The following RAPGEF2 variants were observed in gnomAD, a reference collection of about 807,000 sequenced individuals.
RAPGEF2 encodes Rap guanine nucleotide exchange factor 2.
Under a neutral mutation model 186.7 loss-of-function variants are expected in RAPGEF2, and 54 were observed. The ratio of observed to expected loss-of-function variants is 0.29; its 90% CI spans 0.23 to 0.36. RAPGEF2 has a LOEUF of 0.36. Among genes scored for constraint, RAPGEF2 ranks in the 10% least tolerant of loss-of-function variants. RAPGEF2 has a pLI of 1.00. For missense variants in RAPGEF2, 1,532 were observed against 2,045.0 expected (o/e 0.75, Z 4.84); for synonymous variants, 712 against 705.9 (o/e 1.01, Z -0.14).
chr4:159,347,310 C>T (rs1730459286), intron 25 of RAPGEF2, among the ~76,000 whole-genome samples: 2 of 152,204 alleles, frequency 1.3e-5, no homozygotes, highest in African/African-American at 4.8e-5. Flanking sequence ...ATTATTTAAA[C>T]TGGTTTTGCT....
At chr4:159,329,585 A>G (rs1766388083) in intron 11 of RAPGEF2, 2 of 198,100 alleles carry the variant, frequency 1.0e-5, no homozygotes, top group Non-Finnish European at 2.0e-5. Flanking sequence ...TGAAAAAGCT[A>G]TCTTCTAATT....
intron 1 of RAPGEF2, among the ~76,000 whole-genome samples, chr4:159,158,619 G>A (rs1036374677): frequency 3.3e-5 from 5 of 152,092 alleles, no homozygotes; most frequent in Non-Finnish European, 7.3e-5. Context: ...ATTACCAGTA[G>A]CAACCCTTGG....
intron 19 of RAPGEF2, among the ~76,000 whole-genome samples, chr4:159,340,113 CAAAAT>C (rs1352966790): frequency 1.3e-5 from 2 of 152,190 alleles, no homozygotes; most frequent in South Asian, 2.1e-4. Flanking sequence ...TTGCTACACT[CAAAAT>C]TAAGTAGTTC....
intron 1 of RAPGEF2, among the ~76,000 whole-genome samples, 167 bp downstream of exon 1, chr4:159,104,398 C>T (rs1357470421): frequency 6.6e-6 from 1 of 151,380 alleles, no homozygotes; most frequent in Non-Finnish European, 1.5e-5. Flanking sequence ...TTTTACTCCG[C>T]CTATCCTGGT....
At chr4:159,201,479 C>T (rs1749405149) in intron 3 of RAPGEF2, among the ~76,000 whole-genome samples, 1 of 152,222 alleles carries the variant, frequency 6.6e-6, no homozygotes, top group Non-Finnish European at 1.5e-5. Flanking sequence ...CTGATCTCAA[C>T]TGTCTGCGGG....
chr4:159,238,950 A>G (rs1048207186), intron 5 of RAPGEF2, 66 bp downstream of exon 5: 2 of 989,140 alleles, frequency 2.0e-6, no homozygotes, highest in East Asian at 2.8e-5. Flanking sequence ...GCATTTTTAT[A>G]AACTGCTTAT....
chr4:159,279,505 A>G (rs1017758997), intron 7 of RAPGEF2, among the ~76,000 whole-genome samples: 2 of 152,184 alleles, frequency 1.3e-5, no homozygotes, highest in Admixed American at 1.3e-4. Flanking sequence ...CATAAGTGCC[A>G]TGTCGTAACT....
In RAPGEF2 at chr4:159,345,327, C is replaced by T; in HGVS notation, c.3500C>T (p.Thr1167Ile). Residue 1167 changes from threonine to isoleucine, a missense_variant and splice_region_variant, in exon 24 of 30, where the codon ACA (threonine) becomes ATA (isoleucine). This residue lies in a region of RAPGEF2 where 117 missense variants were observed against 180.8 expected (regional missense o/e 0.65). Transcript: ENST00000691494. ...CTGCAGTGTGAGCCAGCAACCAACACATGTGAGTTTTTCCTTAAAGTGGCT... is the reference window on the plus strand; with the variant it reads ...CTGCAGTGTGAGCCAGCAACCAACATATGTGAGTTTTTCCTTAAAGTGGCT... ...LSLQCEPATN[T>I]LPKNPGDKKP... The T allele has an allele frequency of 6.2e-7, 1 of 1,613,860 alleles. No individual in the cohort carries two copies.
At chr4:159,249,285 CTTTTT>C (rs34205767) in intron 7 of RAPGEF2, among the ~76,000 whole-genome samples, 1 of 123,228 alleles carries the variant, frequency 8.1e-6, no homozygotes, top group African/African-American at 3.1e-5. Flanking sequence ...AAAAAAGTCT[CTTTTT>C]TTTTTTTTTT....
At chr4:159,188,663 C>CAAAAAAAAAAAAAAA (rs58081505) in intron 2 of RAPGEF2, among the ~76,000 whole-genome samples, 1 of 84,840 alleles carries the variant, frequency 1.2e-5, no homozygotes, top group Non-Finnish European at 2.3e-5. Context: ...GACTACATCT[C>CAAAAAAAAAAAAAAA]AAAAAAAAAA....
intron 1 of RAPGEF2, among the ~76,000 whole-genome samples, chr4:159,141,680 G>A (rs1349666818): frequency 6.6e-6 from 1 of 152,064 alleles, no homozygotes; most frequent in African/African-American, 2.4e-5. Context: ...CACCAACAGT[G>A]TATAAAAAGT....
At position 159,355,878 on chromosome 4, in the gene RAPGEF2, G is replaced by GCCCCCCCCC; in HGVS notation, c.4682_4683insCCCCCCCCC (p.Pro1560_Pro1562dup). On this transcript the variant is annotated inframe_insertion, in exon 29 of 30. Transcript: ENST00000691494. ...CACGAAAGGAGGGCAGGTATCGAGA[G>GCCCCCCCCC]CCCCCGCCCACCCCTCCCGGCTACA... is the stretch of plus-strand genomic sequence containing the variant. The GCCCCCCCCC allele has an allele frequency of 2.5e-5, 38 of 1,515,848 alleles. No individual in the cohort carries two copies. Among genetic ancestry groups the GCCCCCCCCC allele is most frequent in the Non-Finnish European group, 3.0e-5 (33 of 1,117,982 alleles). The allele number at this position is 1,515,848 out of a possible 1,614,324, so 93.9% of individuals were successfully genotyped here.
At position 159,340,706 on chromosome 4, in the gene RAPGEF2, C is replaced by CACAT. The variant is rs1458099301; in HGVS notation, c.2535-857_2535-856insCATA. Among the ~76,000 whole-genome samples the CACAT allele has an allele frequency of 2.1e-5, 3 of 144,254 alleles. 1 individual carries two copies. Among genetic ancestry groups the CACAT allele is most frequent in the African/African-American group, 8.0e-5 (3 of 37,426 alleles). 94.6% of individuals were successfully genotyped at this position (144,254 alleles called of 152,430 possible). A position where few individuals can be genotyped will look rare whatever the true frequency, so the allele number is the denominator to read the frequency against. On this transcript the variant is annotated intron_variant, in intron 19 of 29. Transcript: ENST00000691494. ...ACACACACACACACACACACACACA[C>CACAT]ATTTATGGAATTTTCACAGAGAAAG...
intron 25 of RAPGEF2, among the ~76,000 whole-genome samples, chr4:159,348,093 T>C (rs1730600443): frequency 1.3e-5 from 2 of 152,068 alleles, no homozygotes; most frequent in Non-Finnish European, 2.9e-5. Flanking sequence ...TGATGGCGCA[T>C]GCCTGCAGTC....
chr4:159,232,626 A>G (rs1369179784), intron 4 of RAPGEF2, among the ~76,000 whole-genome samples: 1 of 152,054 alleles, frequency 6.6e-6, no homozygotes, highest in African/African-American at 2.4e-5. Flanking sequence ...CCCTGCTCTC[A>G]GTTCTTTTTG....
intron 11 of RAPGEF2, chr4:159,329,278 A>G (rs1766342749): frequency 6.6e-6 from 1 of 152,140 alleles, no homozygotes; most frequent in South Asian, 2.1e-4. Context: ...AGCAAGGATT[A>G]CCCTTAATAC....
intron 1 of RAPGEF2, among the ~76,000 whole-genome samples, chr4:159,106,877 G>T (rs1307453443): frequency 6.6e-6 from 1 of 152,162 alleles, no homozygotes; most frequent in Admixed American, 6.5e-5. Context: ...GGTGGGAAGA[G>T]TACCAGGAAC....
At chr4:159,167,938 T>A (rs527743897) in intron 1 of RAPGEF2, among the ~76,000 whole-genome samples, 2 of 152,352 alleles carry the variant, frequency 1.3e-5, no homozygotes, top group African/African-American at 4.8e-5. Context: ...TACTAACATT[T>A]TTCTATTACA....
At chr4:159,289,210 C>A (rs7699625) in intron 7 of RAPGEF2, among the ~76,000 whole-genome samples, 28,309 of 152,080 alleles carry the variant, frequency 0.19, 2,784 homozygotes, top group Admixed American at 0.24. Context: ...CGGCTTGTTA[C>A]AGGATGTCAG....
Sources: allele counts gnomAD v4.1 joint callset (sites outside exome capture counted in the v4.1 genomes callset), GRCh38; gene constraint gnomAD v4.1.1; regional missense constraint gnomAD v4.1.1; transcripts MANE v1.5; gene names NCBI Gene and HGNC (gene_info 2026-07-23, HGNC 2026-07-21).